The following CCDC148 variants were observed in gnomAD, a reference collection of about 807,000 sequenced individuals.
CCDC148 encodes the protein coiled-coil domain containing 148.
In CCDC148, 89 loss-of-function variants were observed where a neutral mutation model predicts 85.7. That is an observed-to-expected ratio of 1.04 (90% CI 0.87 to 1.24). The LOEUF is 1.24. Among genes scored for constraint, CCDC148 ranks in the 50% most tolerant of loss-of-function variants. The pLI is 0.00. For missense variants in CCDC148, 692 were observed against 671.7 expected, an observed-to-expected ratio of 1.03 and a Z score of -0.33; for synonymous variants, 230 against 213.9, an observed-to-expected ratio of 1.08 and a Z score of -0.66.
chr2:158,333,780 C>G (rs997198934), intron 7 of CCDC148, among the ~76,000 whole-genome samples: 1 of 151,930 alleles, frequency 6.6e-6, no homozygotes, highest in Non-Finnish European at 1.5e-5. Context: ...GTTCTTTCTT[C>G]TGTTCTGTGG....
chr2:158,212,417 GCA>G (rs771862082), intron 11 of CCDC148, among the ~76,000 whole-genome samples: 1 of 152,078 alleles, frequency 6.6e-6, no homozygotes, highest in African/African-American at 2.4e-5. Context: ...GTCGAAATTT[GCA>G]CATTGTTAAG....
intron 1 of CCDC148, among the ~76,000 whole-genome samples, chr2:158,375,103 A>G (rs1372463789): frequency 6.6e-6 from 1 of 152,066 alleles, no homozygotes; most frequent in Non-Finnish European, 1.5e-5. Flanking sequence ...AATTAATGCA[A>G]CAATATTAGA....
intron 1 of CCDC148, among the ~76,000 whole-genome samples, chr2:158,412,369 G>A (rs1686300193): frequency 6.6e-6 from 1 of 152,078 alleles, no homozygotes; most frequent in South Asian, 2.1e-4. Context: ...AAGGAGATGA[G>A]GAATGGGACT....
Position 158,355,987 on chromosome 2 carries a change from C to A in CCDC148, c.147+2462G>T, listed in dbSNP as rs961703659. ...AAAAACAAGCAATGGGGAAAGGATT[C>A]CCTATTTAATAAATGGTGCTGGGAA... On this transcript the variant is annotated intron_variant, in intron 2 of 13. Coordinates refer to ENST00000283233, the MANE Select transcript of CCDC148 (RefSeq NM_138803.4). 1.1e-4 allele frequency among the ~76,000 whole-genome samples: 15 copies of A among 135,226 alleles called. No individual in the cohort carries two copies. In the South Asian group the frequency reaches 3.2e-3, roughly 29 times the overall value. The allele number at this position is 135,226 out of a possible 152,430, so 88.7% of individuals were successfully genotyped here.
At chr2:158,337,006 A>T (rs1221210029) in intron 7 of CCDC148, among the ~76,000 whole-genome samples, 1 of 152,174 alleles carries the variant, frequency 6.6e-6, no homozygotes, top group Non-Finnish European at 1.5e-5. Context: ...ATATATATTC[A>T]TCTAATCCTC....
At chr2:158,418,263 TTCTAAGGAATCTTTCCATTCTAAAA>T (rs1439668906) in intron 1 of CCDC148, among the ~76,000 whole-genome samples, 1 of 152,116 alleles carries the variant, frequency 6.6e-6, no homozygotes, top group African/African-American at 2.4e-5. Context: ...ACTAGGTAAT[TTCTAAGGAATCTTTCCATTCTAAAA>T]TTTTATGATA....
At chr2:158,208,949 ATTT>A (rs71404339) in intron 11 of CCDC148, among the ~76,000 whole-genome samples, 9 of 150,704 alleles carry the variant, frequency 6.0e-5, no homozygotes, top group African/African-American at 2.2e-4. Flanking sequence ...ATTAGAATAT[ATTT>A]TTTAAAAAAA....
chr2:158,180,880 G>A (rs1016516341), intron 11 of CCDC148, among the ~76,000 whole-genome samples: 3 of 152,120 alleles, frequency 2.0e-5, no homozygotes, highest in African/African-American at 7.2e-5. Flanking sequence ...TGATGGCCAT[G>A]AGTGTTCTTG....
intron 8 of CCDC148, among the ~76,000 whole-genome samples, chr2:158,311,637 C>T (rs374420576): frequency 6.6e-6 from 1 of 152,166 alleles, no homozygotes; most frequent in African/African-American, 2.4e-5. Flanking sequence ...AATACGCCAT[C>T]TTTACATCAG....
chr2:158,390,329 C>G (rs930499258), intron 1 of CCDC148, among the ~76,000 whole-genome samples: 6 of 152,002 alleles, frequency 3.9e-5, no homozygotes, highest in Non-Finnish European at 8.8e-5. Flanking sequence ...AACAGGAAAG[C>G]TAAAGGCCAA....
intron 9 of CCDC148, among the ~76,000 whole-genome samples, chr2:158,273,326 C>A (rs1316973968): frequency 1.3e-5 from 2 of 152,026 alleles, no homozygotes; most frequent in African/African-American, 2.4e-5. Flanking sequence ...CAATATACCC[C>A]CAATGTCCCG....
chr2:158,237,196 A>G (rs1224136620), intron 10 of CCDC148, among the ~76,000 whole-genome samples: 1 of 152,150 alleles, frequency 6.6e-6, no homozygotes, highest in South Asian at 2.1e-4. Flanking sequence ...GAGGAGTAGG[A>G]TATGAGATTT....
At chr2:158,244,886 C>A (rs941622364) in intron 10 of CCDC148, among the ~76,000 whole-genome samples, 2 of 152,100 alleles carry the variant, frequency 1.3e-5, no homozygotes, top group African/African-American at 4.8e-5. Flanking sequence ...ATTCAACAAT[C>A]CTGAAAAAGC....
At chr2:158,266,715 A>G (rs1391277221) in intron 9 of CCDC148, among the ~76,000 whole-genome samples, 1 of 152,024 alleles carries the variant, frequency 6.6e-6, no homozygotes, top group Non-Finnish European at 1.5e-5. Context: ...GTGAGAACAT[A>G]AAGTGTTTGG....
intron 9 of CCDC148, among the ~76,000 whole-genome samples, chr2:158,268,280 G>C (rs1689557917): frequency 6.6e-6 from 1 of 152,068 alleles, no homozygotes; most frequent in Non-Finnish European, 1.5e-5. Flanking sequence ...TTTTCTGGGG[G>C]AGAGGGGTTG....
At position 158,338,412 on chromosome 2, in the gene CCDC148, C is replaced by T. The variant is rs957800826; in HGVS notation, c.764+314G>A. ...TGTATCAATTACTGCAGAGCAGCTT[C>T]ACATCTTGAAAAGAAAAGTTGTGGT... On this transcript the variant is annotated intron_variant, in intron 7 of 13. Coordinates refer to ENST00000283233, the MANE Select transcript of CCDC148 (RefSeq NM_138803.4). Among the ~76,000 whole-genome samples the T allele has an allele frequency of 3.9e-5, 6 of 152,098 alleles. No individual in the cohort carries two copies. The South Asian group carries it at 6.2e-4, about 16-fold the overall frequency.
chr2:158,307,797 A>G (rs1445197892), intron 9 of CCDC148, among the ~76,000 whole-genome samples: 1 of 152,230 alleles, frequency 6.6e-6, no homozygotes, highest in Non-Finnish European at 1.5e-5. Flanking sequence ...TGTATATATC[A>G]TTTGATTTAT....
intron 1 of CCDC148, among the ~76,000 whole-genome samples, chr2:158,428,899 A>G (rs1216429383): frequency 6.6e-6 from 1 of 152,142 alleles, no homozygotes; most frequent in African/African-American, 2.4e-5. Context: ...ATGTCCATCA[A>G]TGATAGACTG....
At chr2:158,365,941 C>A in intron 1 of CCDC148, 1 of 1,090,504 alleles carries the variant, frequency 9.2e-7, no homozygotes, top group South Asian at 1.6e-5. Flanking sequence ...AATCAACATT[C>A]CAATTGTGTA....
Sources: allele counts gnomAD v4.1 joint callset (sites outside exome capture counted in the v4.1 genomes callset), GRCh38; gene constraint gnomAD v4.1.1; transcripts MANE v1.5; gene names NCBI Gene and HGNC (gene_info 2026-07-23, HGNC 2026-07-21).